APBA2: variants seen among roughly 807,000 people sequenced by gnomAD.
The protein encoded by APBA2 is amyloid beta precursor protein binding family A member 2.
In APBA2, 30 loss-of-function variants were observed where a neutral mutation model predicts 75.0. The ratio of observed to expected loss-of-function variants is 0.40; its 90% CI spans 0.30 to 0.54. APBA2 has a LOEUF of 0.54. Among genes scored for constraint, APBA2 ranks in the 20% least tolerant of loss-of-function variants. APBA2 has a pLI of 0.49. For missense variants in APBA2, 801 were observed against 1,016.1 expected, an observed-to-expected ratio of 0.79 and a Z score of 2.88; for synonymous variants, 444 against 409.6, an observed-to-expected ratio of 1.08 and a Z score of -1.01.
chr15:29,067,399 G>A (rs1222652342), intron 4 of APBA2, among the ~76,000 whole-genome samples: 2 of 152,136 alleles, frequency 1.3e-5, no homozygotes, highest in African/African-American at 2.4e-5. Flanking sequence ...GTCGTGAGGC[G>A]GTGGGTCGGC....
intron 6 of APBA2, among the ~76,000 whole-genome samples, chr15:29,089,194 C>A (rs552293117): frequency 6.6e-6 from 1 of 152,304 alleles, no homozygotes; most frequent in East Asian, 1.9e-4. Flanking sequence ...TAACACCGGT[C>A]TTTATACAGT....
chr15:29,069,443 C>T (rs2042523085), intron 4 of APBA2, among the ~76,000 whole-genome samples: 1 of 152,178 alleles, frequency 6.6e-6, no homozygotes. Flanking sequence ...AGATGTTTTC[C>T]ACAGTGACAG....
rs2044136509 is a variant in APBA2 at position 29,101,726 on chromosome 15, G to C, written c.1466G>C (p.Gly489Ala). 1 of 1,613,682 alleles carries C rather than the reference G, an allele frequency of 6.2e-7. No individual in the cohort carries two copies. Among genetic ancestry groups the C allele is most frequent in the East Asian group, 2.2e-5 (1 of 44,878 alleles). Reference sequence around the variant, plus strand: ...CAGGACTGCATCGAGACCACGCCCGGGGCCCAGGAAGGCAAGAAGCAGTAT... The same window carrying C: ...CAGGACTGCATCGAGACCACGCCCGCGGCCCAGGAAGGCAAGAAGCAGTAT... ...ASQDCIETTP[G>A]AQEGKKQYKM... is the part of the protein sequence containing the mutation. The change falls in exon 10 of 15, where the codon GGG becomes GCG. Residue 489 changes from glycine to alanine, a missense_variant. By Grantham distance (60) the Gly-to-Ala change is moderately conservative (BLOSUM62 0). Around this residue, in one of 2 missense-constraint regions of APBA2, gnomAD observed 367 missense variants for 544.5 expected, o/e 0.67. Transcript: ENST00000683413.
chr15:28,951,881 CTTTTT>C (rs71414600), intron 2 of APBA2, among the ~76,000 whole-genome samples: 1 of 109,824 alleles, frequency 9.1e-6, no homozygotes, highest in Non-Finnish European at 1.8e-5. Context: ...TGCACTCAGC[CTTTTT>C]TTTTTTTTTT....
intron 2 of APBA2, among the ~76,000 whole-genome samples, chr15:28,969,266 C>T (rs1009820859): frequency 5.3e-5 from 8 of 151,844 alleles, no homozygotes; most frequent in Admixed American, 4.6e-4. Flanking sequence ...CTGCAACCTC[C>T]GTCTCGCGGG....
intron 1 of APBA2, among the ~76,000 whole-genome samples, chr15:28,897,905 G>A (rs975626276): frequency 7.2e-5 from 11 of 152,172 alleles, no homozygotes; most frequent in African/African-American, 2.7e-4. Context: ...TAGTGGTTTT[G>A]CAGATGTGTT....
intron 4 of APBA2, among the ~76,000 whole-genome samples, chr15:29,064,172 G>A (rs1342103751): frequency 6.6e-6 from 1 of 152,164 alleles, no homozygotes; most frequent in Non-Finnish European, 1.5e-5. Flanking sequence ...CTTCTTCCAG[G>A]TAGGCAAGCT....
In APBA2 at chr15:29,045,069, T is replaced by TTCTCTCTCTCTCTCTC. The variant is rs1555399868; in HGVS notation, c.-40-8757_-40-8742dup. On this transcript the variant is annotated intron_variant, in intron 3 of 14. Coordinates refer to ENST00000683413, the MANE Select transcript of APBA2 (RefSeq NM_001353788.2). The stretch of plus-strand genomic sequence containing the variant: ...CCTTCCTCTCTCCCTCCCTCCCTCC[T>TTCTCTCTCTCTCTCTC]TCTCTCTCTCTCTCTCTCTCTCTCT... 1.4e-3 allele frequency among the ~76,000 whole-genome samples: 120 copies of TTCTCTCTCTCTCTCTC among 82,884 alleles called. 5 individuals carry two copies. The East Asian group carries it at 0.017, about 12-fold the overall frequency. The allele number at this position is 82,884 out of a possible 152,430, so 54.4% of individuals were successfully genotyped here. A position where few individuals can be genotyped will look rare whatever the true frequency, so the allele number is the denominator to read the frequency against.
At chr15:29,094,699 A>T (rs1448064143) in intron 8 of APBA2, among the ~76,000 whole-genome samples, 1 of 152,234 alleles carries the variant, frequency 6.6e-6, no homozygotes, top group Non-Finnish European at 1.5e-5. Flanking sequence ...AAGATTCCTT[A>T]AGCTTAATTT....
chr15:28,942,719 A>C (rs1349614036), intron 2 of APBA2, among the ~76,000 whole-genome samples: 1 of 152,148 alleles, frequency 6.6e-6, no homozygotes, highest in Non-Finnish European at 1.5e-5. Flanking sequence ...GCGACCTGGG[A>C]GGTATCCTTA....
chr15:28,920,224 T>G (rs1345501455), intron 1 of APBA2, among the ~76,000 whole-genome samples: 2 of 151,928 alleles, frequency 1.3e-5, no homozygotes, highest in African/African-American at 4.8e-5. Flanking sequence ...ACCAGCTGGG[T>G]TTTGAAGAAT....
intron 2 of APBA2, among the ~76,000 whole-genome samples, chr15:28,930,348 C>T (rs2034498611): frequency 1.3e-5 from 2 of 152,194 alleles, no homozygotes; most frequent in Admixed American, 1.3e-4. Flanking sequence ...CTCGTGGTCC[C>T]TCTGAGCCTG....
chr15:29,016,470 G>T (rs1360834037), intron 3 of APBA2, among the ~76,000 whole-genome samples: 3 of 152,136 alleles, frequency 2.0e-5, no homozygotes, highest in Non-Finnish European at 4.4e-5. Flanking sequence ...GTGAGTCAGG[G>T]AAGGCCTCAC....
At chr15:28,911,598 T>A (rs2033432421) in intron 1 of APBA2, among the ~76,000 whole-genome samples, 1 of 152,246 alleles carries the variant, frequency 6.6e-6, no homozygotes, top group South Asian at 2.1e-4. Flanking sequence ...TTCATCTCAA[T>A]AGAGCTTTTA....
chr15:28,918,103 G>A lies in APBA2; in HGVS notation c.-204-3537G>A, dbSNP rs1013464349. Among the ~76,000 whole-genome samples, 3 of 152,224 alleles carry A rather than the reference G, an allele frequency of 2.0e-5. No individual in the cohort carries two copies. The highest frequency in any genetic ancestry group is 2.9e-5 in the Non-Finnish European group (2 of 68,046). ...CACCGCGAGTGTTTGCTGAGCACTT[G>A]GGAGGCATAGGCTCGGCGGGAAGGG... On this transcript the variant is annotated intron_variant, in intron 1 of 14. Transcript: ENST00000683413. The surrounding 1 kb of genome is among the most constrained non-coding windows in gnomAD (Gnocchi z 4.2).
chr15:28,898,181 C>T (rs1257861897), intron 1 of APBA2, among the ~76,000 whole-genome samples: 1 of 152,162 alleles, frequency 6.6e-6, no homozygotes, highest in African/African-American at 2.4e-5. Flanking sequence ...AGACTTCTAG[C>T]CTCCAGAACT....
intron 2 of APBA2, among the ~76,000 whole-genome samples, chr15:28,985,673 C>G (rs777541380): frequency 6.6e-6 from 1 of 152,210 alleles, no homozygotes; most frequent in African/African-American, 2.4e-5. Flanking sequence ...AAGTGGTCTT[C>G]AGTAGTTCCA....
At chr15:28,938,772 G>C (rs1484018010) in intron 2 of APBA2, among the ~76,000 whole-genome samples, 2 of 152,172 alleles carry the variant, frequency 1.3e-5, no homozygotes, top group African/African-American at 4.8e-5. Context: ...GCCTCCCAAA[G>C]TGCTGGAATC....
At chr15:29,115,861 C>T (rs941755868) in intron 14 of APBA2, among the ~76,000 whole-genome samples, 5 of 152,272 alleles carry the variant, frequency 3.3e-5, no homozygotes, top group African/African-American at 1.2e-4. Flanking sequence ...CTGGGCTGCT[C>T]AGCCCAGGGC....
Sources: gnomAD v4.1 joint callset for allele counts (sites outside exome capture counted in the v4.1 genomes callset) on GRCh38, gnomAD v4.1.1 for gene constraint, gnomAD v4.1.1 regional missense constraint, Gnocchi (gnomAD v3.1) non-coding constraint, MANE v1.5 for transcripts, NCBI Gene and HGNC (gene_info 2026-07-23, HGNC 2026-07-21) for gene names.